ZFP30: variants seen among roughly 807,000 people sequenced by gnomAD.
ZFP30 encodes the protein ZFP30 zinc finger protein.
In ZFP30, 16 loss-of-function variants were observed where a neutral mutation model predicts 12.3. That is an observed-to-expected ratio of 1.30 (90% CI 0.88 to 1.98). The LOEUF (loss-of-function observed/expected upper bound fraction) is 1.98, where lower values mean the gene tolerates loss of function less well. ZFP30 is among the 30% of genes most tolerant of loss of function. ZFP30 has a pLI of 0.00. For missense variants in ZFP30, 560 were observed against 611.2 expected (o/e 0.92, Z 0.88); for synonymous variants, 172 against 201.0 (o/e 0.86, Z 1.22).
At chr19:37,640,360 G>A (rs2044409997) in intron 5 of ZFP30, among the ~76,000 whole-genome samples, 1 of 150,914 alleles carries the variant, frequency 6.6e-6, no homozygotes, top group South Asian at 2.1e-4. Context: ...CCAAAAACAT[G>A]TATGTAAAAT....
chr19:37,641,573 G>A (rs965800600), intron 5 of ZFP30, among the ~76,000 whole-genome samples: 6 of 152,046 alleles, frequency 3.9e-5, no homozygotes, highest in African/African-American at 7.2e-5. Context: ...TACTTCCTTC[G>A]TATTATTTGA....
chr19:37,633,751 GAATAGC>G lies in ZFP30; in HGVS notation c.*1224_*1229del, dbSNP rs1277964007. On this transcript the variant is annotated 3_prime_UTR_variant, in exon 6 of 6. Transcript: ENST00000684514. ...GGAAAATTTTAAATACACAAAAGTA[GAATAGC>G]AAAAACAAAACAAATAAAAACCATG... 2 of 152,060 alleles carry G rather than the reference GAATAGC, an allele frequency of 1.3e-5. No individual in the cohort carries two copies. The highest frequency in any genetic ancestry group is 2.9e-5 in the Non-Finnish European group (2 of 68,008). 9.4% of individuals were successfully genotyped at this position (152,060 alleles called of 1,614,324 possible). A position where few individuals can be genotyped will look rare whatever the true frequency, so the allele number is the denominator to read the frequency against.
intron 4 of ZFP30, among the ~76,000 whole-genome samples, chr19:37,643,847 G>A (rs1259692138): frequency 6.6e-6 from 1 of 152,112 alleles, no homozygotes; most frequent in African/African-American, 2.4e-5. Context: ...GCAAATTCAT[G>A]TATTTTAAAC....
chr19:37,653,396 A>G (rs1157789630), intron 2 of ZFP30, among the ~76,000 whole-genome samples: 1 of 152,190 alleles, frequency 6.6e-6, no homozygotes, highest in African/African-American at 2.4e-5. Flanking sequence ...CTCAGCTCCA[A>G]TAAATAACTA....
chr19:37,645,196 G>A (rs1466781730), intron 3 of ZFP30, among the ~76,000 whole-genome samples: 1 of 150,994 alleles, frequency 6.6e-6, no homozygotes, highest in Non-Finnish European at 1.5e-5. Flanking sequence ...CAGAGCGACA[G>A]AGCGAGACTC....
Position 37,635,755 on chromosome 19 carries a change from C to G in ZFP30, c.786G>C (p.Arg262Ser). ...CATAGGGTTTCTCACCCGTGTGAATCCTTTGATGGAGATTAAGTTGTCCTC... is the reference window on the plus strand; with the variant it reads ...CATAGGGTTTCTCACCCGTGTGAATGCTTTGATGGAGATTAAGTTGTCCTC... The part of the protein sequence containing the change: ...RVRGQLNLHQ[R>S]IHTGEKPYEC... The change falls in exon 6 of 6, where the codon AGG (arginine) becomes AGC (serine). Residue 262 changes from arginine (R) to serine (S), a missense_variant. Physicochemically the swap from Arg to Ser is moderately radical, Grantham distance 110. Transcript: ENST00000684514. 6.2e-7 allele frequency: 1 copy of G among 1,613,564 alleles called. No individual in the cohort carries two copies. The highest frequency in any genetic ancestry group is 8.5e-7 in the Non-Finnish European group (1 of 1,179,916).
At chr19:37,650,230 T>G (rs1169977194) in intron 2 of ZFP30, among the ~76,000 whole-genome samples, 1 of 151,764 alleles carries the variant, frequency 6.6e-6, no homozygotes, top group Non-Finnish European at 1.5e-5. Context: ...GCGACCCTCC[T>G]ACCTCAGCCT....
rs1027914644 is a variant in ZFP30, at chr19:37,634,289, T to G, written c.*692A>C. 2.0e-5 allele frequency: 3 copies of G among 152,180 alleles called. No individual in the cohort carries two copies. Among genetic ancestry groups the G allele is most frequent in the Non-Finnish European group, 4.4e-5 (3 of 68,026 alleles). The allele number at this position is 152,180 out of a possible 1,614,324, so 9.4% of individuals were successfully genotyped here. ...TGAGGCTTAAATTCAGGTTCAATAT[T>G]TTTGGCAAGATGTGTATATCTTACT... On this transcript the variant is annotated 3_prime_UTR_variant, in exon 6 of 6. Coordinates refer to ENST00000684514, the MANE Select transcript of ZFP30 (RefSeq NM_001320669.3).
intron 3 of ZFP30, among the ~76,000 whole-genome samples, chr19:37,645,100 G>C (rs2972457): frequency 0.49 from 73,907 of 151,768 alleles, 19,702 homozygotes; most frequent in Non-Finnish European, 0.62. Context: ...AGCTACTCGG[G>C]AGGTTGAGGC....
At chr19:37,640,477 T>G (rs1036528432) in intron 5 of ZFP30, among the ~76,000 whole-genome samples, 8 of 150,774 alleles carry the variant, frequency 5.3e-5, no homozygotes, top group African/African-American at 1.9e-4. Context: ...TGGATTCTAC[T>G]GAATCAAAGA....
rs1382185524 is a variant in ZFP30, at chr19:37,635,347, A to G, written c.1194T>C (p.Ile398=). The G allele has an allele frequency of 6.2e-7, 1 of 1,613,934 alleles. No individual in the cohort carries two copies. The highest frequency in any genetic ancestry group is 8.5e-7 in the Non-Finnish European group (1 of 1,179,996). The change falls in exon 6 of 6, where the codon ATT becomes ATC. Residue 398 remains isoleucine, a synonymous_variant. Transcript: ENST00000684514. ...CTCCAATGTGAATACCCTGATGTGA[A>G]ATAAGTTCTGAGTAACGACGAAAGA... ...QKFFRRYSEL[I]SHQGIHIGEK...
Position 37,634,717 on chromosome 19 carries a change from AT to A in ZFP30, c.*263del. 2.9e-6 allele frequency: 1 copy of A among 345,564 alleles called. No individual in the cohort carries two copies. The highest frequency in any genetic ancestry group is 5.2e-6 in the Non-Finnish European group (1 of 192,982). 21.4% of individuals were successfully genotyped at this position (345,564 alleles called of 1,614,324 possible). ...ACACAGATGGAAGAATATGGAGATA[AT>A]AATAGGTAAGATCAAAAGCTTTTCC... On this transcript the variant is annotated 3_prime_UTR_variant, in exon 6 of 6. Transcript: ENST00000684514.
chr19:37,644,762 T>C (rs1458017982), intron 3 of ZFP30, 26 bp from the exon 4 acceptor site: 1 of 1,595,590 alleles, frequency 6.3e-7, no homozygotes, highest in Admixed American at 1.8e-5. Flanking sequence ...CATGTATTAT[T>C]TGTAAGATAA....
At chr19:37,647,675 T>A (rs966056188) in intron 3 of ZFP30, 139 bp downstream of exon 3, 3 of 1,023,292 alleles carry the variant, frequency 2.9e-6, no homozygotes, top group African/African-American at 3.2e-5. Context: ...GCTGGCTCCA[T>A]CCCGTGCTGG....
At position 37,655,435 on chromosome 19, in the gene ZFP30, G is replaced by C. The variant is rs1444491273; in HGVS notation, c.-261C>G. The C allele has an allele frequency of 6.6e-6, 1 of 152,408 alleles. No individual in the cohort carries two copies. The highest frequency in any genetic ancestry group is 2.1e-4 in the South Asian group (1 of 4,838). 9.4% of individuals were successfully genotyped at this position (152,408 alleles called of 1,614,324 possible). On this transcript the variant is annotated 5_prime_UTR_variant, in exon 1 of 6. Coordinates refer to ENST00000684514, the MANE Select transcript of ZFP30 (RefSeq NM_001320669.3). ...CCAGCCTCACCCGACTCAGAGGATAGCCCAGCCCTGGGAGTCAGCGGCGCC... is the reference window on the plus strand; with the variant it reads ...CCAGCCTCACCCGACTCAGAGGATACCCCAGCCCTGGGAGTCAGCGGCGCC...
At chr19:37,644,145 C>T (rs17305823) in intron 4 of ZFP30, among the ~76,000 whole-genome samples, 39,215 of 151,954 alleles carry the variant, frequency 0.26, 6,269 homozygotes, top group Non-Finnish European at 0.37. Flanking sequence ...ACAGAAAAGT[C>T]GAAGAAAAAT....
rs981567520 is a variant in ZFP30 at position 37,635,850 on chromosome 19, C to T, written c.691G>A (p.Val231Ile). The part of the protein sequence containing the change: ...KIFTCGSDLR[V>I]HQRIHIGEKP... ...TCACCAATATGAATTCTCTGATGTA[C>T]TCGAAGGTCTGAGCCACATGTGAAG... Residue 231 changes from valine to isoleucine, a missense_variant, in exon 6 of 6, where the codon GTA (valine) becomes ATA (isoleucine). Transcript: ENST00000684514. 8.7e-6 allele frequency: 14 copies of T among 1,614,012 alleles called. No homozygotes were observed. Among genetic ancestry groups the T allele is most frequent in the East Asian group, 2.2e-5 (1 of 44,890 alleles).
At chr19:37,639,091 C>T (rs192996282) in intron 5 of ZFP30, among the ~76,000 whole-genome samples, 5 of 152,000 alleles carry the variant, frequency 3.3e-5, no homozygotes, top group African/African-American at 1.2e-4. Flanking sequence ...GCTATATAAT[C>T]GTGTTTCTCT....
At chr19:37,647,350 G>A (rs906142366) in intron 3 of ZFP30, among the ~76,000 whole-genome samples, 1 of 152,178 alleles carries the variant, frequency 6.6e-6, no homozygotes, top group Non-Finnish European at 1.5e-5. Flanking sequence ...GGGAGCCGGT[G>A]GGAGATAATT....
Sources: gnomAD v4.1 joint callset for allele counts (sites outside exome capture counted in the v4.1 genomes callset) on GRCh38, gnomAD v4.1.1 for gene constraint, MANE v1.5 for transcripts, NCBI Gene and HGNC (gene_info 2026-07-23, HGNC 2026-07-21) for gene names.